KCND2: variants seen among roughly 807,000 people sequenced by gnomAD.
The protein encoded by KCND2 is potassium voltage-gated channel subfamily D member 2.
A neutral mutation model predicts 54.4 loss-of-function variants in KCND2; 16 were observed. The observed-to-expected ratio is 0.29, with a 90% CI of 0.20 to 0.45. The LOEUF (loss-of-function observed/expected upper bound fraction) is 0.45. Among genes scored for constraint, KCND2 ranks in the 20% least tolerant of loss-of-function variants. KCND2 has a pLI of 1.00. For missense variants in KCND2, 486 were observed against 824.2 expected (o/e 0.59, Z 5.02); for synonymous variants, 317 against 310.7 (o/e 1.02, Z -0.21).
At chr7:120,332,166 G>C (rs1584733986) in intron 1 of KCND2, among the ~76,000 whole-genome samples, 1 of 152,106 alleles carries the variant, frequency 6.6e-6, no homozygotes, top group Middle Eastern at 3.4e-3. Context: ...TAGAATGTAA[G>C]TTAAGCAAAT....
intron 1 of KCND2, among the ~76,000 whole-genome samples, chr7:120,461,865 T>C (rs1362406798): frequency 6.6e-6 from 1 of 152,138 alleles, no homozygotes; most frequent in Non-Finnish European, 1.5e-5. Flanking sequence ...AATCAGTGTG[T>C]ATGCTTAGTA....
Position 120,344,898 on chromosome 7 carries a change from G to A in KCND2, c.1115+69151G>A, listed in dbSNP as rs183160535. Among the ~76,000 whole-genome samples, 245 of 152,248 alleles carry A rather than the reference G, an allele frequency of 1.6e-3. 1 individual carries two copies. Among genetic ancestry groups the A allele is most frequent in the Non-Finnish European group, 2.7e-3 (181 of 68,008 alleles). On this transcript the variant is annotated intron_variant, in intron 1 of 5. Coordinates refer to ENST00000331113, the MANE Select transcript of KCND2 (RefSeq NM_012281.3). ...CTTTGGACACATAGATGAATAAGGA[G>A]CATCCTTACCCTTAAGGAGCTCACA...
intron 1 of KCND2, among the ~76,000 whole-genome samples, chr7:120,465,815 A>G (rs555863625): frequency 1.5e-4 from 23 of 152,314 alleles, no homozygotes; most frequent in Non-Finnish European, 2.5e-4. Context: ...CCCAAAGAAA[A>G]GCATAAGAAT....
chr7:120,592,536 CAGA>C (rs1192392675), intron 1 of KCND2, among the ~76,000 whole-genome samples: 1 of 152,144 alleles, frequency 6.6e-6, no homozygotes, highest in Admixed American at 6.5e-5. Context: ...TGTTTCAAAA[CAGA>C]AGAAGAAGCA....
intron 1 of KCND2, among the ~76,000 whole-genome samples, chr7:120,407,215 T>C (rs1450513169): frequency 6.6e-6 from 1 of 152,034 alleles, no homozygotes; most frequent in African/African-American, 2.4e-5. Flanking sequence ...CGTAGATGTG[T>C]ACATAGAACA....
At chr7:120,473,373 G>A (rs1802487914) in intron 1 of KCND2, among the ~76,000 whole-genome samples, 1 of 152,292 alleles carries the variant, frequency 6.6e-6, no homozygotes, top group East Asian at 1.9e-4. Flanking sequence ...TTATGGGAGA[G>A]GATTTCGGTC....
At chr7:120,742,393 G>GA in intron 3 of KCND2, 117 bp from the exon 4 acceptor site, 1 of 852,466 alleles carries the variant, frequency 1.2e-6, no homozygotes, top group South Asian at 1.3e-5. Context: ...TTTCTAGTTA[G>GA]AAAAAAATAA....
chr7:120,417,740 T>C (rs1267899509), intron 1 of KCND2, among the ~76,000 whole-genome samples: 1 of 152,148 alleles, frequency 6.6e-6, no homozygotes, highest in Non-Finnish European at 1.5e-5. Context: ...GAATACATCA[T>C]TATGGGAAGC....
chr7:120,411,969 C>T (rs540740453), intron 1 of KCND2, among the ~76,000 whole-genome samples: 29 of 152,024 alleles, frequency 1.9e-4, no homozygotes, highest in Non-Finnish European at 3.1e-4. Flanking sequence ...CCTGGCTAAG[C>T]ACCATCTAGC....
chr7:120,510,836 G>A (rs897531600), intron 1 of KCND2, among the ~76,000 whole-genome samples: 16 of 151,496 alleles, frequency 1.1e-4, no homozygotes, highest in Admixed American at 5.3e-4. Context: ...CAGCAGCCTC[G>A]TCCCTCCTCC....
At chr7:120,315,200 T>C (rs1406754360) in intron 1 of KCND2, among the ~76,000 whole-genome samples, 2 of 152,306 alleles carry the variant, frequency 1.3e-5, no homozygotes, top group East Asian at 3.9e-4. Context: ...TTAGGGTTCC[T>C]GCTGTCTTCC....
intron 1 of KCND2, among the ~76,000 whole-genome samples, chr7:120,496,106 A>C (rs1422297086): frequency 6.6e-6 from 1 of 152,190 alleles, no homozygotes. Context: ...ATTTGAAGCA[A>C]TAGTTTAGTA....
intron 1 of KCND2, among the ~76,000 whole-genome samples, chr7:120,443,792 T>A (rs939483285): frequency 2.0e-5 from 3 of 152,076 alleles, no homozygotes; most frequent in Non-Finnish European, 4.4e-5. Flanking sequence ...TGCTTTTGGC[T>A]TTTCTAGGGG....
intron 1 of KCND2, among the ~76,000 whole-genome samples, chr7:120,349,398 C>T (rs1237817972): frequency 1.3e-5 from 2 of 151,886 alleles, no homozygotes; most frequent in Non-Finnish European, 2.9e-5. Flanking sequence ...TTAACAATGT[C>T]TTTCTGGAAT....
intron 1 of KCND2, among the ~76,000 whole-genome samples, chr7:120,615,181 C>G (rs1013254485): frequency 6.6e-6 from 1 of 152,172 alleles, no homozygotes; most frequent in Non-Finnish European, 1.5e-5. Context: ...CAGAATGCTT[C>G]AAGGAAATGC....
At chr7:120,293,485 T>A (rs1195413590) in intron 1 of KCND2, among the ~76,000 whole-genome samples, 2 of 151,966 alleles carry the variant, frequency 1.3e-5, no homozygotes, top group Non-Finnish European at 2.9e-5. Context: ...AGCTTTCTGA[T>A]GATTTTTCCC....
chr7:120,696,552 G>A (rs1336741102), intron 1 of KCND2, among the ~76,000 whole-genome samples: 3 of 152,160 alleles, frequency 2.0e-5, no homozygotes, highest in Non-Finnish European at 4.4e-5. Context: ...TCATATGCTG[G>A]AAACTTACTA....
chr7:120,492,196 C>T (rs552236449), intron 1 of KCND2, among the ~76,000 whole-genome samples: 1 of 152,028 alleles, frequency 6.6e-6, no homozygotes, highest in Admixed American at 6.6e-5. Context: ...GTGAAACACA[C>T]ACACACAAGT....
intron 1 of KCND2, among the ~76,000 whole-genome samples, chr7:120,545,226 C>T (rs752678290): frequency 3.3e-5 from 5 of 151,852 alleles, no homozygotes; most frequent in African/African-American, 9.7e-5. Flanking sequence ...CAATCTCAGC[C>T]ATTCTTTGTG....
Sources: gnomAD v4.1 joint callset for allele counts (sites outside exome capture counted in the v4.1 genomes callset) on GRCh38, gnomAD v4.1.1 for gene constraint, MANE v1.5 for transcripts, NCBI Gene and HGNC (gene_info 2026-07-23, HGNC 2026-07-21) for gene names.